The following CPE variants were observed in gnomAD, a reference collection of about 807,000 sequenced individuals.
CPE encodes carboxypeptidase E.
Under a neutral mutation model 53.5 loss-of-function variants are expected in CPE, and 17 were observed. The ratio of observed to expected loss-of-function variants is 0.32; its 90% confidence interval spans 0.22 to 0.48. The LOEUF (loss-of-function observed/expected upper bound fraction) is 0.48. Ranked by LOEUF, CPE falls within the 20% of genes least tolerant of loss-of-function variation. CPE has a pLI of 0.99. For synonymous variants in CPE, 226 were observed against 228.8 expected, an observed-to-expected ratio of 0.99 and a Z score of 0.11; for missense variants, 524 against 614.7, an observed-to-expected ratio of 0.85 and a Z score of 1.56.
chr4:165,460,122 A>G (rs1731975602), intron 1 of CPE, among the ~76,000 whole-genome samples: 1 of 151,850 alleles, frequency 6.6e-6, no homozygotes, highest in African/African-American at 2.4e-5. Flanking sequence ...AACCTGTTAA[A>G]CCTGTGTTTT....
At position 165,391,207 on chromosome 4, in the gene CPE, T is replaced by A. The variant is rs185209540; in HGVS notation, c.307+11679T>A. Reference sequence around the variant, plus strand: ...GAACTCATTGGATACTATAATTTTGTGACCTCTGCATACAGGGAAAGTGAA... The same window carrying A: ...GAACTCATTGGATACTATAATTTTGAGACCTCTGCATACAGGGAAAGTGAA... On this transcript the variant is annotated intron_variant, in intron 1 of 8. Transcript: ENST00000402744. Among the ~76,000 whole-genome samples the A allele has an allele frequency of 3.9e-3, 593 of 152,278 alleles. 5 individuals are homozygous for A. The highest frequency in any genetic ancestry group is 0.013 in the African/African-American group (550 of 41,574).
chr4:165,385,631 A>T (rs1024457032), intron 1 of CPE, among the ~76,000 whole-genome samples: 1 of 151,928 alleles, frequency 6.6e-6, no homozygotes, highest in Non-Finnish European at 1.5e-5. Context: ...CAATTTTAAA[A>T]TGTGGGACAT....
chr4:165,383,683 G>T (rs1434298293), intron 1 of CPE, among the ~76,000 whole-genome samples: 1 of 152,112 alleles, frequency 6.6e-6, no homozygotes, highest in Non-Finnish European at 1.5e-5. Context: ...GCCAAATATT[G>T]TGATGGAACA....
Position 165,497,619 on chromosome 4 carries a change from C to T in CPE, c.*9C>T. The T allele has an allele frequency of 6.6e-7, 1 of 1,505,970 alleles. No homozygotes were observed. Among genetic ancestry groups the T allele is most frequent in the Admixed American group, 2.0e-5 (1 of 49,346 alleles). The allele number at this position is 1,505,970 out of a possible 1,614,324, so 93.3% of individuals were successfully genotyped here. On this transcript the variant is annotated 3_prime_UTR_variant, in exon 9 of 9. Transcript: ENST00000402744. ...AAACTTTAAATTTTTAAAAAGGCTT[C>T]TAGTTAGCTGCTTTAAATCTATCTA...
At chr4:165,398,815 T>C (rs1029368955) in intron 1 of CPE, among the ~76,000 whole-genome samples, 15 of 152,332 alleles carry the variant, frequency 9.8e-5, no homozygotes, top group Admixed American at 8.5e-4. Flanking sequence ...CTGTTTTTTT[T>C]CTGAGGAGAC....
At chr4:165,479,111 CTT>C (rs1259255978) in intron 3 of CPE, among the ~76,000 whole-genome samples, 1 of 152,098 alleles carries the variant, frequency 6.6e-6, no homozygotes, top group Non-Finnish European at 1.5e-5. Flanking sequence ...AAAAGAAAAA[CTT>C]TTGAATAGAA....
At chr4:165,386,059 C>T (rs1730585748) in intron 1 of CPE, among the ~76,000 whole-genome samples, 1 of 152,208 alleles carries the variant, frequency 6.6e-6, no homozygotes, top group African/African-American at 2.4e-5. Context: ...AATCCTGAGG[C>T]TTCTTATTTT....
intron 3 of CPE, among the ~76,000 whole-genome samples, chr4:165,470,044 C>T (rs560909807): frequency 6.6e-6 from 1 of 152,306 alleles, no homozygotes; most frequent in East Asian, 1.9e-4. Flanking sequence ...CAAATCCATA[C>T]AGGTCTTCAG....
intron 1 of CPE, among the ~76,000 whole-genome samples, chr4:165,420,943 T>C (rs1328523550): frequency 6.6e-6 from 1 of 152,256 alleles, no homozygotes; most frequent in Non-Finnish European, 1.5e-5. Flanking sequence ...TTTTCATATG[T>C]ATATTCATAA....
intron 5 of CPE, among the ~76,000 whole-genome samples, chr4:165,484,892 A>T (rs1732480612): frequency 6.6e-6 from 1 of 152,170 alleles, no homozygotes; most frequent in Non-Finnish European, 1.5e-5. Context: ...TAACTACCCT[A>T]CTTTCCAAAT....
At chr4:165,403,737 T>C (rs1730908621) in intron 1 of CPE, among the ~76,000 whole-genome samples, 2 of 151,078 alleles carry the variant, frequency 1.3e-5, no homozygotes, top group South Asian at 4.2e-4. Context: ...AGAATTGCCC[T>C]CACCACCCCT....
chr4:165,411,557 A>G (rs557366755), intron 1 of CPE, among the ~76,000 whole-genome samples: 119 of 152,234 alleles, frequency 7.8e-4, no homozygotes, highest in African/African-American at 2.8e-3. Flanking sequence ...CTCTCCATTG[A>G]ATAAAGATGG....
intron 1 of CPE, among the ~76,000 whole-genome samples, chr4:165,426,525 G>A (rs1190816129): frequency 6.6e-6 from 1 of 151,528 alleles, no homozygotes; most frequent in South Asian, 2.1e-4. Flanking sequence ...GCACATTAAA[G>A]TTCATTTTGC....
intron 1 of CPE, among the ~76,000 whole-genome samples, chr4:165,420,123 T>C (rs1731184307): frequency 1.3e-5 from 2 of 152,200 alleles, no homozygotes; most frequent in Admixed American, 1.3e-4. Flanking sequence ...CCCTTATTCT[T>C]AGATTTTATC....
chr4:165,406,475 C>A (rs1254974896), intron 1 of CPE: 2 of 257,896 alleles, frequency 7.8e-6, no homozygotes, highest in Non-Finnish European at 1.5e-5. Context: ...GTTTTTCCCT[C>A]AGATTTCAGA....
intron 1 of CPE, among the ~76,000 whole-genome samples, chr4:165,407,323 A>G (rs1049420417): frequency 6.6e-6 from 1 of 151,668 alleles, no homozygotes; most frequent in Non-Finnish European, 1.5e-5. Context: ...TTTGATTTGC[A>G]TTTCCTTGAT....
chr4:165,404,535 C>G (rs574863356), intron 1 of CPE: 94 of 877,796 alleles, frequency 1.1e-4, no homozygotes, highest in Non-Finnish European at 1.7e-4. Context: ...AACTGCTCCC[C>G]AAAGGCTTTG....
At chr4:165,435,736 G>A (rs1032180182) in intron 1 of CPE, among the ~76,000 whole-genome samples, 1 of 152,068 alleles carries the variant, frequency 6.6e-6, no homozygotes, top group Non-Finnish European at 1.5e-5. Flanking sequence ...TATGTTTCTT[G>A]TACATTTTAA....
rs200369500 is a variant in CPE, at chr4:165,482,306, A to G, written c.737A>G (p.Asn246Ser). 3.0e-5 allele frequency: 49 copies of G among 1,613,872 alleles called. No homozygotes were observed. Among genetic ancestry groups the G allele is most frequent in the Admixed American group, 8.3e-5 (5 of 59,988 alleles). The change falls in exon 4 of 9, where the codon AAT becomes AGT. Residue 246 changes from asparagine to serine, a missense_variant. Coordinates refer to ENST00000402744, the MANE Select transcript of CPE (RefSeq NM_001873.4). The stretch of plus-strand genomic sequence containing the variant: ...GATATTCCTTTTGTGCTTTCTGCCA[A>G]TCTCCATGGAGGAGACCTTGTGGCC... ...IMDIPFVLSA[N>S]LHGGDLVANY...
Sources: gnomAD v4.1 joint callset for allele counts (sites outside exome capture counted in the v4.1 genomes callset) on GRCh38, gnomAD v4.1.1 for gene constraint, MANE v1.5 for transcripts, NCBI Gene and HGNC (gene_info 2026-07-23, HGNC 2026-07-21) for gene names.